The following COL27A1 variants were observed in gnomAD, a reference collection of about 807,000 sequenced individuals.
The protein encoded by COL27A1 is collagen type XXVII alpha 1 chain, also known as collagen alpha-1(XXVII) chain.
Under a neutral mutation model 251.3 loss-of-function variants are expected in COL27A1, and 106 were observed. The ratio of observed to expected loss-of-function variants is 0.42; its 90% CI spans 0.36 to 0.50. The LOEUF (loss-of-function observed/expected upper bound fraction) is 0.50, where lower values mean the gene tolerates loss of function less well. Ranked by LOEUF, COL27A1 falls within the 20% of genes least tolerant of loss-of-function variation. COL27A1 has a pLI of 0.00. For missense variants in COL27A1, 2,325 were observed against 2,522.8 expected (o/e 0.92, Z 1.68); for synonymous variants, 1,000 against 986.3 (o/e 1.01, Z -0.26).
chr9:114,306,416 A>C, intron 57 of COL27A1, 104 bp from the exon 58 acceptor site: 1 of 1,183,390 alleles, frequency 8.5e-7, no homozygotes, highest in South Asian at 1.4e-5. Context: ...TGACCGTGGA[A>C]CCGAGATACC....
chr9:114,267,604 C>T (rs1395731823), intron 34 of COL27A1, 47 bp downstream of exon 34: 1 of 1,524,162 alleles, frequency 6.6e-7, no homozygotes, highest in African/African-American at 1.4e-5. Context: ...GAAACCAGCT[C>T]CCAGATGGTG....
At chr9:114,179,432 C>G (rs554732082) in intron 4 of COL27A1, among the ~76,000 whole-genome samples, 2 of 152,360 alleles carry the variant, frequency 1.3e-5, no homozygotes, top group South Asian at 4.1e-4. Flanking sequence ...GCAGCCTACT[C>G]CCTTCCCCAA....
chr9:114,174,854 T>A (rs1380029917), intron 3 of COL27A1, among the ~76,000 whole-genome samples: 1 of 152,134 alleles, frequency 6.6e-6, no homozygotes, highest in Non-Finnish European at 1.5e-5. Flanking sequence ...TTAGGAATAA[T>A]CATGAGCTCA....
In COL27A1 at chr9:114,301,289, G is replaced by T. The variant is rs144269050; in HGVS notation, c.4761G>T (p.Pro1587=). The T allele has an allele frequency of 6.2e-7, 1 of 1,610,554 alleles. No individual in the cohort carries two copies. The highest frequency in any genetic ancestry group is 1.3e-5 in the African/African-American group (1 of 74,736). Residue 1587 remains proline, a synonymous_variant, in exon 53 of 61, where the codon CCG becomes CCT. Coordinates refer to ENST00000356083, the MANE Select transcript of COL27A1 (RefSeq NM_032888.4). The part of the protein sequence containing the change: ...GILGPSGLPG[P]KGDKGSRGDW... ...TGGGCCGTGGTTTGTTGCAGGGTCC[G>T]AAGGGTGACAAAGGCAGCCGTGGGG...
At chr9:114,227,194 C>T (rs1185049022) in intron 14 of COL27A1, among the ~76,000 whole-genome samples, 1 of 152,178 alleles carries the variant, frequency 6.6e-6, no homozygotes, top group African/African-American at 2.4e-5. Context: ...CCACATTAGC[C>T]TCCGGAGGTC....
intron 37 of COL27A1, among the ~76,000 whole-genome samples, chr9:114,277,222 T>C (rs1335042472): frequency 6.6e-6 from 1 of 152,122 alleles, no homozygotes; most frequent in Non-Finnish European, 1.5e-5. Flanking sequence ...CCAGGAGTGC[T>C]GGGTCGGTTC....
At chr9:114,274,230 TAA>T (rs770591022) in intron 36 of COL27A1, 190 of 84,612 alleles carry the variant, frequency 2.2e-3, no homozygotes, top group African/African-American at 7.0e-3. Context: ...GAGATCCGTC[TAA>T]AAAAAAAAAA....
chr9:114,237,711 C>T lies in COL27A1; in HGVS notation c.2723C>T (p.Pro908Leu), dbSNP rs1832493836. The T allele has an allele frequency of 1.2e-6, 2 of 1,613,758 alleles. No homozygotes were observed. The highest frequency in any genetic ancestry group is 1.7e-6 in the Non-Finnish European group (2 of 1,179,672). The change falls in exon 19 of 61, where the codon CCC becomes CTC. Residue 908 changes from proline to leucine, a missense_variant. Transcript: ENST00000356083. ...ATTGGGTTTCCCGGGCCCCCTGGAC[C>T]CGAGGTATGTGATGCCCCATTTCTC... ...GSIGFPGPPG[P>L]EGFPGDIGPP...
chr9:114,181,567 A>C (rs1419405608), intron 4 of COL27A1, among the ~76,000 whole-genome samples: 1 of 152,202 alleles, frequency 6.6e-6, no homozygotes, highest in African/African-American at 2.4e-5. Flanking sequence ...TGGGAGGACC[A>C]CTGGACCCTT....
Position 114,204,024 on chromosome 9 carries a change from G to A in COL27A1, c.2125-1078G>A, listed in dbSNP as rs538199324. Reference sequence around the variant, plus strand: ...TTATGCACGTAGTCCTGGGTAAACGGCAGCACATAGAGAGGGTCTACAGGT... The same window carrying A: ...TTATGCACGTAGTCCTGGGTAAACGACAGCACATAGAGAGGGTCTACAGGT... On this transcript the variant is annotated intron_variant, in intron 7 of 60. Transcript: ENST00000356083. 6.8e-4 allele frequency among the ~76,000 whole-genome samples: 104 copies of A among 152,232 alleles called. 1 individual carries two copies. Among genetic ancestry groups the A allele is most frequent in the African/African-American group, 2.5e-3 (102 of 41,528 alleles).
chr9:114,275,571 T>C, intron 36 of COL27A1, 90 bp from the exon 37 acceptor site: 1 of 834,868 alleles, frequency 1.2e-6, no homozygotes, highest in Non-Finnish European at 1.9e-6. Context: ...TGTGGATGCC[T>C]GAATGGAGCC....
At chr9:114,214,197 T>G (rs1443445904) in intron 12 of COL27A1, among the ~76,000 whole-genome samples, 2 of 152,130 alleles carry the variant, frequency 1.3e-5, no homozygotes, top group Non-Finnish European at 2.9e-5. Context: ...TTGCTGTTGC[T>G]CCCAACCCCT....
chr9:114,300,201 T>A, intron 50 of COL27A1, 78 bp downstream of exon 50: 1 of 1,424,024 alleles, frequency 7.0e-7, no homozygotes, highest in Non-Finnish European at 9.9e-7. Flanking sequence ...ATTCAACAAA[T>A]ATTTATGGAG....
At chr9:114,275,967 A>C (rs1835476501) in intron 37 of COL27A1, among the ~76,000 whole-genome samples, 199 bp downstream of exon 37, 1 of 152,134 alleles carries the variant, frequency 6.6e-6, no homozygotes, top group Non-Finnish European at 1.5e-5. Context: ...TCGGTTACTC[A>C]TCCTCCTGGC....
chr9:114,260,487 CCT>C (rs1172271958), intron 28 of COL27A1, among the ~76,000 whole-genome samples: 1 of 152,162 alleles, frequency 6.6e-6, no homozygotes, highest in African/African-American at 2.4e-5. Context: ...CCCGGTTTGC[CCT>C]GTGCCCTTAG....
rs1032375984 is a variant in COL27A1 at position 114,168,138 on chromosome 9, G to A, written c.583G>A (p.Gly195Ser). 1.9e-6 allele frequency: 3 copies of A among 1,612,990 alleles called. No homozygotes were observed. The highest frequency in any genetic ancestry group is 2.5e-6 in the Non-Finnish European group (3 of 1,180,020). Residue 195 changes from glycine to serine, a missense_variant, in exon 3 of 61, where the codon GGC becomes AGC. Gly to Ser is a moderately conservative substitution (Grantham distance 56). Coordinates refer to ENST00000356083, the MANE Select transcript of COL27A1 (RefSeq NM_032888.4). ...FHRDPALDPG[G>S]SFLFGKMNPH... ...CAGGGACCCTGCACTCGACCCTGGG[G>A]GCTCCTTCCTCTTTGGGAAGATGAA...
chr9:114,201,822 G>T (rs1171614929), intron 7 of COL27A1, among the ~76,000 whole-genome samples: 1 of 152,186 alleles, frequency 6.6e-6, no homozygotes, highest in East Asian at 1.9e-4. Flanking sequence ...TCTATAAGGG[G>T]ATCTCTCCTT....
In COL27A1 at chr9:114,167,820, G is replaced by A. The variant is rs2567707; in HGVS notation, c.265G>A (p.Val89Ile). Residue 89 changes from valine (V) to isoleucine (I), a missense_variant, in exon 3 of 61, where the codon GTC becomes ATC. By Grantham distance (29) the Val-to-Ile change is conservative. This residue lies in a region of COL27A1 where 1,183 missense variants were observed against 1,144.1 expected (regional missense o/e 1.03). Transcript: ENST00000356083. ...CCGGCTCCAGGCTCCCACGGGCACC[G>A]TCATTCCTGCCGCCTTGGGCACAGA... ...RARLQAPTGT[V>I]IPAALGTELA... is the part of the protein sequence containing the mutation. 356,121 of 1,613,238 alleles carry A rather than the reference G, an allele frequency of 0.22. 42,381 individuals are homozygous for A. Among genetic ancestry groups the A allele is most frequent in the Middle Eastern group, 0.29 (1,744 of 6,062 alleles).
chr9:114,178,776 G>C (rs1564434276), intron 4 of COL27A1, among the ~76,000 whole-genome samples: 1 of 152,184 alleles, frequency 6.6e-6, no homozygotes. Flanking sequence ...GAGGAGTTGA[G>C]TTCCTCCTGC....
Sources: allele counts gnomAD v4.1 joint callset (sites outside exome capture counted in the v4.1 genomes callset), GRCh38; gene constraint gnomAD v4.1.1; regional missense constraint gnomAD v4.1.1; transcripts MANE v1.5; gene names NCBI Gene and HGNC (gene_info 2026-07-23, HGNC 2026-07-21).